The following KHDRBS3 variants were observed in gnomAD, a reference collection of about 807,000 sequenced individuals.
The protein encoded by KHDRBS3 is KH domain-containing, RNA-binding, signal transduction-associated protein 3.
In KHDRBS3, 23 loss-of-function variants were observed where a neutral mutation model predicts 45.6. That is an observed-to-expected ratio of 0.50 (90% confidence interval 0.36 to 0.72). The LOEUF (loss-of-function observed/expected upper bound fraction) is 0.72. Among genes scored for constraint, KHDRBS3 ranks in the 30% least tolerant of loss-of-function variants. The probability of loss-of-function intolerance (pLI) is 0.00; values close to 1 mark genes in which losing one functional copy is unlikely to be tolerated. For missense variants in KHDRBS3, 352 were observed against 424.8 expected (o/e 0.83, Z 1.51); for synonymous variants, 162 against 156.5 (o/e 1.04, Z -0.26).
chr8:135,625,725 C>T, intron 7 of KHDRBS3: 1 of 763,586 alleles, frequency 1.3e-6, no homozygotes, highest in Non-Finnish European at 2.4e-6. Flanking sequence ...TTTGTCAACA[C>T]CCATCCTCTT....
At chr8:135,517,940 A>C (rs1416159234) in intron 1 of KHDRBS3, among the ~76,000 whole-genome samples, 1 of 152,214 alleles carries the variant, frequency 6.6e-6, no homozygotes, top group African/African-American at 2.4e-5. Flanking sequence ...TAGATATTTT[A>C]TATAGATTTT....
intron 5 of KHDRBS3, 103 bp downstream of exon 5, chr8:135,557,690 A>C: frequency 2.3e-6 from 2 of 866,174 alleles, no homozygotes; most frequent in Non-Finnish European, 3.7e-6. Flanking sequence ...ACTTGTATTC[A>C]TGTGGGCATG....
chr8:135,548,782 C>T lies in KHDRBS3; in HGVS notation c.353C>T (p.Ala118Val), dbSNP rs779240853. The change falls in exon 4 of 9, where the codon GCG (alanine) becomes GTG (valine). Residue 118 changes from alanine to valine, a missense_variant. Physicochemically the swap from Ala to Val is moderately conservative, Grantham distance 64. Transcript: ENST00000355849. Reference sequence around the variant, plus strand: ...GAAGAGTTGAGGAAAAGTGGAGAAGCGAAGTACTTCCATCTCAATGATGAT... The same window carrying T: ...GAAGAGTTGAGGAAAAGTGGAGAAGTGAAGTACTTCCATCTCAATGATGAT... Reference protein sequence around the residue: ...KEEELRKSGEAKYFHLNDDLH... With the variant: ...KEEELRKSGEVKYFHLNDDLH... The T allele has an allele frequency of 7.1e-6, 11 of 1,554,970 alleles. No homozygotes were observed. The highest frequency in any genetic ancestry group is 1.7e-4 in the Middle Eastern group (1 of 5,828).
At chr8:135,652,379 G>A (rs1831447353), downstream of KHDRBS3, among the ~76,000 whole-genome samples, 3 of 152,168 alleles carry the variant, frequency 2.0e-5, no homozygotes, top group Admixed American at 2.0e-4. Flanking sequence ...TTAATGTGAT[G>A]AGTCCTTCGG....
At chr8:135,595,714 A>G (rs1319786656) in intron 6 of KHDRBS3, among the ~76,000 whole-genome samples, 1 of 152,178 alleles carries the variant, frequency 6.6e-6, no homozygotes, top group African/African-American at 2.4e-5. Context: ...CTGGCACATC[A>G]TTCCAAGAGG....
chr8:135,613,953 T>C (rs1403657726), intron 7 of KHDRBS3, among the ~76,000 whole-genome samples: 1 of 151,748 alleles, frequency 6.6e-6, no homozygotes, highest in African/African-American at 2.4e-5. Flanking sequence ...ATTAGGAATT[T>C]TTTTCTTCCA....
intron 5 of KHDRBS3, among the ~76,000 whole-genome samples, chr8:135,572,528 A>G (rs1827752233): frequency 6.6e-6 from 1 of 152,216 alleles, no homozygotes; most frequent in South Asian, 2.1e-4. Context: ...GAAATAACCA[A>G]TAACCTGCTT....
intron 7 of KHDRBS3, among the ~76,000 whole-genome samples, chr8:135,633,873 A>G (rs954218583): frequency 1.3e-5 from 2 of 152,230 alleles, no homozygotes; most frequent in Non-Finnish European, 2.9e-5. Context: ...CTACATTGAC[A>G]CATGATCATC....
chr8:135,557,690 A>G (rs930268174), intron 5 of KHDRBS3, 103 bp downstream of exon 5: 13 of 866,056 alleles, frequency 1.5e-5, no homozygotes, highest in Non-Finnish European at 2.2e-5. Flanking sequence ...ACTTGTATTC[A>G]TGTGGGCATG....
At chr8:135,598,104 C>A (rs1430061417) in intron 6 of KHDRBS3, among the ~76,000 whole-genome samples, 1 of 152,070 alleles carries the variant, frequency 6.6e-6, no homozygotes, top group Non-Finnish European at 1.5e-5. Context: ...TACCTAAAAA[C>A]CAAAGTAGTT....
At chr8:135,577,512 T>C (rs1828002224) in intron 5 of KHDRBS3, among the ~76,000 whole-genome samples, 1 of 152,194 alleles carries the variant, frequency 6.6e-6, no homozygotes, top group African/African-American at 2.4e-5. Flanking sequence ...GCATATAGTA[T>C]GTAGCCTTTC....
chr8:135,458,851 G>A (rs1394431452), intron 1 of KHDRBS3: 5 of 456,060 alleles, frequency 1.1e-5, no homozygotes, highest in Non-Finnish European at 1.8e-5. Flanking sequence ...GCCTACCCGG[G>A]ACAGTGTTCC....
chr8:135,518,163 G>GT lies in KHDRBS3; in HGVS notation c.89-3065dup, dbSNP rs550055074. Among the ~76,000 whole-genome samples, 367 of 150,880 alleles carry GT rather than the reference G, an allele frequency of 2.4e-3. 1 individual carries two copies. The highest frequency in any genetic ancestry group is 3.5e-3 in the Non-Finnish European group (237 of 67,570). On this transcript the variant is annotated intron_variant, in intron 1 of 8. Coordinates refer to ENST00000355849, the MANE Select transcript of KHDRBS3 (RefSeq NM_006558.3). ...TTTTCAACAATTACTAAACTACTTTGTTTTTTTTTGTTGTTGTTGTTGTTT... is the reference window on the plus strand; with the variant it reads ...TTTTCAACAATTACTAAACTACTTTGTTTTTTTTTTGTTGTTGTTGTTGTTT...
intron 1 of KHDRBS3, among the ~76,000 whole-genome samples, chr8:135,466,023 T>C (rs886478630): frequency 1.4e-4 from 22 of 152,254 alleles, no homozygotes; most frequent in African/African-American, 5.3e-4. Context: ...TTTGTGCCGT[T>C]TGTGCTCTGC....
downstream of KHDRBS3, among the ~76,000 whole-genome samples, chr8:135,652,058 C>A (rs2131220316): frequency 6.6e-6 from 1 of 152,188 alleles, no homozygotes; most frequent in East Asian, 1.9e-4. Context: ...GAATATGTGA[C>A]AAATTTAAGG....
At chr8:135,582,343 T>C (rs560869848) in intron 6 of KHDRBS3, among the ~76,000 whole-genome samples, 5 of 152,300 alleles carry the variant, frequency 3.3e-5, no homozygotes, top group Non-Finnish European at 5.9e-5. Flanking sequence ...TCAGGAGACA[T>C]ATTTTCAAGC....
chr8:135,525,978 A>T (rs1166095269), intron 2 of KHDRBS3, among the ~76,000 whole-genome samples: 1 of 152,086 alleles, frequency 6.6e-6, no homozygotes, highest in Non-Finnish European at 1.5e-5. Flanking sequence ...ATAATACTGT[A>T]TTTTTGCTGT....
At chr8:135,473,036 GTT>G (rs5895311) in intron 1 of KHDRBS3, among the ~76,000 whole-genome samples, 453 of 142,468 alleles carry the variant, frequency 3.2e-3, no homozygotes, top group African/African-American at 8.4e-3. Context: ...TATTTGAAAA[GTT>G]TTTTTTTTTT....
At chr8:135,631,507 A>G (rs1378565785) in intron 7 of KHDRBS3, among the ~76,000 whole-genome samples, 2 of 152,018 alleles carry the variant, frequency 1.3e-5, no homozygotes, top group Non-Finnish European at 2.9e-5. Flanking sequence ...ACAGACACAC[A>G]CTACATAGTG....
Sources: allele counts gnomAD v4.1 joint callset (sites outside exome capture counted in the v4.1 genomes callset), GRCh38; gene constraint gnomAD v4.1.1; transcripts MANE v1.5; gene names NCBI Gene and HGNC (gene_info 2026-07-23, HGNC 2026-07-21).